SANBR: variants seen among roughly 807,000 people sequenced by gnomAD.
The protein encoded by SANBR is SANT and BTB domain regulator of CSR, also known as SANT and BTB domain regulator of class switch recombination.
Under a neutral mutation model 101.8 loss-of-function variants are expected in SANBR, and 77 were observed. That is an observed-to-expected ratio of 0.76 (90% confidence interval 0.63 to 0.91). The LOEUF (loss-of-function observed/expected upper bound fraction) is 0.91. Ranked by LOEUF, SANBR falls within the 40% of genes least tolerant of loss-of-function variation. The pLI, the probability that SANBR is intolerant of heterozygous loss-of-function variation, is 0.00. For missense variants in SANBR, 875 were observed against 853.0 expected (o/e 1.03, Z -0.32); for synonymous variants, 279 against 274.7 (o/e 1.02, Z -0.15).
chr2:61,089,793 C>T (rs1189086527), intron 10 of SANBR: 1 of 152,358 alleles, frequency 6.6e-6, no homozygotes, highest in African/African-American at 2.4e-5. Context: ...AGGCAGAAAC[C>T]TCAAAATGTG....
intron 20 of SANBR, among the ~76,000 whole-genome samples, chr2:61,120,242 C>G (rs1054403517): frequency 6.6e-6 from 1 of 152,184 alleles, no homozygotes; most frequent in Non-Finnish European, 1.5e-5. Flanking sequence ...GTGGCTCACA[C>G]CTGTAATCCC....
chr2:61,097,089 G>T (rs1683067338), intron 11 of SANBR, among the ~76,000 whole-genome samples: 1 of 152,178 alleles, frequency 6.6e-6, no homozygotes, highest in African/African-American at 2.4e-5. Flanking sequence ...GGGAGGCGGA[G>T]GTAGCAGTGA....
chr2:61,074,600 C>T (rs189892299), intron 5 of SANBR, among the ~76,000 whole-genome samples: 12 of 152,218 alleles, frequency 7.9e-5, no homozygotes, highest in Admixed American at 1.3e-4. Flanking sequence ...GATGGACTTT[C>T]GCCATGGTGG....
At chr2:61,115,463 G>T (rs1284137020) in intron 16 of SANBR, among the ~76,000 whole-genome samples, 1 of 151,590 alleles carries the variant, frequency 6.6e-6, no homozygotes, top group African/African-American at 2.4e-5. Context: ...CTCCCGAATA[G>T]CTGGGATTAC....
In SANBR at chr2:61,122,340, G is replaced by A. The variant is rs1051018108; in HGVS notation, c.*178G>A. On this transcript the variant is annotated 3_prime_UTR_variant, in exon 22 of 22. Coordinates refer to ENST00000402291, the MANE Select transcript of SANBR (RefSeq NM_001129993.3). ...AGTTAGGTTTTATGAAAATCTAATTGTAAATATGAAACTTTTTAAATCTGA... is the reference window on the plus strand; with the variant it reads ...AGTTAGGTTTTATGAAAATCTAATTATAAATATGAAACTTTTTAAATCTGA... 1 of 1,241,794 alleles carries A rather than the reference G, an allele frequency of 8.1e-7. No homozygotes were observed. The highest frequency in any genetic ancestry group is 1.5e-5 in the African/African-American group (1 of 65,456). The allele number at this position is 1,241,794 out of a possible 1,614,324, so 76.9% of individuals were successfully genotyped here.
chr2:61,128,954 C>G (rs1201794906), downstream of SANBR, among the ~76,000 whole-genome samples: 1 of 151,916 alleles, frequency 6.6e-6, no homozygotes, highest in Non-Finnish European at 1.5e-5. Context: ...AGAGGGAGAT[C>G]CTGTTCCAAA....
Position 61,123,435 on chromosome 2 carries a change from G to A in SANBR, c.*1273G>A. On this transcript the variant is annotated 3_prime_UTR_variant, in exon 22 of 22. Transcript: ENST00000402291. ...TGAAGCTAGATGTTATTTGATAACTGGCTTTGCCAAGGTTTTTGAACTGCT... is the reference window on the plus strand; with the variant it reads ...TGAAGCTAGATGTTATTTGATAACTAGCTTTGCCAAGGTTTTTGAACTGCT... 3.0e-6 allele frequency: 3 copies of A among 984,766 alleles called. No homozygotes were observed. The highest frequency in any genetic ancestry group is 3.6e-6 in the Non-Finnish European group (3 of 829,240). The allele number at this position is 984,766 out of a possible 1,614,324, so 61.0% of individuals were successfully genotyped here. A position where few individuals can be genotyped will look rare whatever the true frequency, so the allele number is the denominator to read the frequency against.
At chr2:61,134,860 C>T (rs1292423035) in intron 21 of SANBR, among the ~76,000 whole-genome samples, 2 of 152,082 alleles carry the variant, frequency 1.3e-5, no homozygotes, top group East Asian at 1.9e-4. Context: ...CGCCACTGCA[C>T]TCCAGCCTTG....
chr2:61,114,464 C>T (rs1337880746), intron 16 of SANBR, among the ~76,000 whole-genome samples: 1 of 152,164 alleles, frequency 6.6e-6, no homozygotes, highest in East Asian at 1.9e-4. Flanking sequence ...ATTACCCTTG[C>T]TATAGCTCAA....
chr2:61,119,093 T>C (rs2104967723), intron 20 of SANBR, among the ~76,000 whole-genome samples: 1 of 152,336 alleles, frequency 6.6e-6, no homozygotes, highest in East Asian at 1.9e-4. Flanking sequence ...CAACTCTGCA[T>C]GTAGTGCTTA....
intron 20 of SANBR, among the ~76,000 whole-genome samples, chr2:61,118,441 A>G (rs1559142446): frequency 6.6e-6 from 1 of 151,292 alleles, no homozygotes; most frequent in Non-Finnish European, 1.5e-5. Context: ...GGGTTTCACC[A>G]TGTTGGTCAG....
chr2:61,102,589 G>A (rs574712310), intron 12 of SANBR, among the ~76,000 whole-genome samples: 106 of 151,744 alleles, frequency 7.0e-4, no homozygotes, highest in South Asian at 4.8e-3. Flanking sequence ...CCAGACTGGA[G>A]TGTAGTGGCA....
At chr2:61,079,184 C>T (rs565236874) in intron 6 of SANBR, among the ~76,000 whole-genome samples, 2 of 152,130 alleles carry the variant, frequency 1.3e-5, no homozygotes, top group Admixed American at 6.5e-5. Context: ...ATACAACCCA[C>T]ATAAAGAAAA....
At chr2:61,137,534 T>G (rs1297614376) in exon 22 of SANBR, 2 of 152,314 alleles carry the variant, frequency 1.3e-5, no homozygotes, top group Non-Finnish European at 1.5e-5. Context: ...TAAGGTGATT[T>G]CAGAGTTGGA....
At chr2:61,134,670 G>A (rs373326147) in intron 21 of SANBR, among the ~76,000 whole-genome samples, 3 of 152,086 alleles carry the variant, frequency 2.0e-5, no homozygotes, top group South Asian at 2.1e-4. Context: ...CAAGGTGGGC[G>A]GATCACAACG....
chr2:61,101,131 A>G lies in SANBR; in HGVS notation c.1366-2722A>G, dbSNP rs150383201. On this transcript the variant is annotated intron_variant, in intron 12 of 21. Coordinates refer to ENST00000402291, the MANE Select transcript of SANBR (RefSeq NM_001129993.3). The stretch of plus-strand genomic sequence containing the variant: ...GTAATGGATTACTTACATAACATTC[A>G]TACTTAAAGTTTTAGTTATATATTT... Among the ~76,000 whole-genome samples the G allele has an allele frequency of 2.8e-3, 424 of 152,338 alleles. 2 individuals are homozygous for G. Among genetic ancestry groups the G allele is most frequent in the African/African-American group, 8.6e-3 (357 of 41,574 alleles).
At chr2:61,085,508 T>TA (rs1018528794) in intron 8 of SANBR, among the ~76,000 whole-genome samples, 2 of 151,904 alleles carry the variant, frequency 1.3e-5, no homozygotes, top group Non-Finnish European at 2.9e-5. Context: ...AGCACACTGT[T>TA]ACACTGTCTT....
intron 16 of SANBR, 32 bp from the exon 17 acceptor site, chr2:61,115,947 C>T (rs773805104): frequency 7.2e-7 from 1 of 1,398,030 alleles, no homozygotes. Flanking sequence ...TATATGGGGC[C>T]TAAGTTTATA....
At chr2:61,079,637 G>A (rs1435624790) in intron 6 of SANBR, among the ~76,000 whole-genome samples, 2 of 152,102 alleles carry the variant, frequency 1.3e-5, no homozygotes, top group Non-Finnish European at 2.9e-5. Context: ...ATCAAAACAT[G>A]TAGAGAGAGA....
Sources: gnomAD v4.1 joint callset for allele counts (sites outside exome capture counted in the v4.1 genomes callset) on GRCh38, gnomAD v4.1.1 for gene constraint, MANE v1.5 for transcripts, NCBI Gene and HGNC (gene_info 2026-07-23, HGNC 2026-07-21) for gene names.